The following ATE1 variants were observed in gnomAD, a reference collection of about 807,000 sequenced individuals.
ATE1 encodes arginyl-tRNA--protein transferase 1.
A neutral mutation model predicts 70.5 loss-of-function variants in ATE1; 36 were observed. That is an observed-to-expected ratio of 0.51 (90% CI 0.39 to 0.67). The LOEUF is 0.67. Among genes scored for constraint, ATE1 ranks in the 30% least tolerant of loss-of-function variants. The pLI, the probability that ATE1 is intolerant of heterozygous loss-of-function variation, is 0.00. For synonymous variants in ATE1, 232 were observed against 219.3 expected (o/e 1.06, Z -0.51); for missense variants, 593 against 629.5 (o/e 0.94, Z 0.62).
chr10:121,784,248 A>G (rs1351964748), intron 11 of ATE1, among the ~76,000 whole-genome samples: 1 of 152,248 alleles, frequency 6.6e-6, no homozygotes, highest in African/African-American at 2.4e-5. Context: ...AAAAATTTAT[A>G]AAATAGTATG....
chr10:121,881,531 T>C (rs1330704112), intron 7 of ATE1, among the ~76,000 whole-genome samples: 1 of 152,060 alleles, frequency 6.6e-6, no homozygotes, highest in Non-Finnish European at 1.5e-5. Context: ...AGCGTGACTG[T>C]AGTCCCAGCT....
intron 10 of ATE1, among the ~76,000 whole-genome samples, chr10:121,794,633 A>G: frequency 7.2e-6 from 1 of 138,326 alleles, no homozygotes; most frequent in South Asian, 2.3e-4. Flanking sequence ...AAAAAAAAAA[A>G]GGAGAAGAGA....
intron 10 of ATE1, among the ~76,000 whole-genome samples, chr10:121,791,096 A>ATATATT (rs764780341): frequency 1.1e-5 from 1 of 94,422 alleles, no homozygotes; most frequent in Non-Finnish European, 2.0e-5. Context: ...GTGTATATAT[A>ATATATT]TTTTTTTTTT....
chr10:121,865,650 C>T (rs1022320045), intron 8 of ATE1, among the ~76,000 whole-genome samples: 8 of 152,054 alleles, frequency 5.3e-5, no homozygotes, highest in Non-Finnish European at 1.0e-4. Flanking sequence ...CAGAGCCACC[C>T]GAAATTAGGG....
chr10:121,868,306 G>GC (rs1949731840), intron 8 of ATE1, among the ~76,000 whole-genome samples: 2 of 152,166 alleles, frequency 1.3e-5, no homozygotes, highest in Non-Finnish European at 2.9e-5. Flanking sequence ...GCTTCTAGAA[G>GC]ATCATTACAT....
intron 11 of ATE1, among the ~76,000 whole-genome samples, chr10:121,775,119 C>CA (rs1422412915): frequency 6.6e-6 from 1 of 151,994 alleles, no homozygotes; most frequent in Non-Finnish European, 1.5e-5. Flanking sequence ...AACAGATAAA[C>CA]AATATTGTAT....
intron 8 of ATE1, among the ~76,000 whole-genome samples, chr10:121,859,014 G>C (rs936843002): frequency 2.0e-5 from 3 of 151,906 alleles, no homozygotes; most frequent in Non-Finnish European, 4.4e-5. Context: ...AGAATAGCTT[G>C]AACCTGGGAG....
chr10:121,770,018 A>T (rs1452529425), intron 11 of ATE1, among the ~76,000 whole-genome samples: 1 of 152,220 alleles, frequency 6.6e-6, no homozygotes, highest in East Asian at 1.9e-4. Context: ...CATTTATCAG[A>T]ACTCAAGTTT....
At chr10:121,915,916 CA>C (rs1405990860) in intron 3 of ATE1, among the ~76,000 whole-genome samples, 1 of 141,632 alleles carries the variant, frequency 7.1e-6, no homozygotes. Flanking sequence ...CAAAACAAAA[CA>C]AAAAAAAACA....
intron 11 of ATE1, among the ~76,000 whole-genome samples, chr10:121,775,215 C>A (rs1490920480): frequency 6.6e-6 from 1 of 151,530 alleles, no homozygotes; most frequent in Non-Finnish European, 1.5e-5. Flanking sequence ...ATGTAGTTGA[C>A]CAATAAAACT....
chr10:121,920,209 G>C (rs186163173), intron 3 of ATE1, among the ~76,000 whole-genome samples: 2 of 152,168 alleles, frequency 1.3e-5, no homozygotes, highest in East Asian at 3.9e-4. Context: ...AGGTTCAGGT[G>C]CAGTAGTAGC....
At chr10:121,849,766 G>A (rs910716313) in intron 8 of ATE1, among the ~76,000 whole-genome samples, 1 of 152,076 alleles carries the variant, frequency 6.6e-6, no homozygotes, top group Non-Finnish European at 1.5e-5. Flanking sequence ...TGTGGAGAAT[G>A]AGTTGGAGGT....
rs111889466 is a variant in ATE1, at chr10:121,740,487, T to C, written c.*3193A>G. On this transcript the variant is annotated 3_prime_UTR_variant, in exon 12 of 12. Transcript: ENST00000224652. ...TATCAAATAGCTTGTTCAAAAAGCA[T>C]ATACAAGAGCAAAAAATACCACATG... 1.5e-4 allele frequency: 23 copies of C among 152,134 alleles called. 1 individual carries two copies. Among genetic ancestry groups the C allele is most frequent in the African/African-American group, 5.6e-4 (23 of 41,408 alleles). 9.4% of individuals were successfully genotyped at this position (152,134 alleles called of 1,614,324 possible).
intron 6 of ATE1, among the ~76,000 whole-genome samples, chr10:121,901,999 T>C (rs949814487): frequency 4.6e-5 from 7 of 152,322 alleles, no homozygotes; most frequent in Non-Finnish European, 1.0e-4. Context: ...CAGAATATTA[T>C]AATGGATGAA....
chr10:121,918,541 G>A (rs771061979), intron 3 of ATE1, among the ~76,000 whole-genome samples: 3 of 151,932 alleles, frequency 2.0e-5, no homozygotes, highest in African/African-American at 7.3e-5. Flanking sequence ...TTAACCAATC[G>A]AAATCACCCT....
At chr10:121,789,985 A>C (rs1244941492) in intron 11 of ATE1, among the ~76,000 whole-genome samples, 184 bp downstream of exon 11, 6 of 151,752 alleles carry the variant, frequency 4.0e-5, no homozygotes, top group Non-Finnish European at 5.9e-5. Flanking sequence ...ATTTTGTGCC[A>C]AACTGCGTGA....
intron 10 of ATE1, among the ~76,000 whole-genome samples, chr10:121,798,747 A>G (rs1366083840): frequency 7.4e-6 from 1 of 134,850 alleles, no homozygotes; most frequent in Non-Finnish European, 1.7e-5. Context: ...TAAAAATACA[A>G]AAATTGTTGG....
At chr10:121,783,384 C>T (rs1000039739) in intron 11 of ATE1, among the ~76,000 whole-genome samples, 5 of 152,108 alleles carry the variant, frequency 3.3e-5, no homozygotes, top group African/African-American at 1.2e-4. Context: ...CAACAAGTCA[C>T]CTAAACACTC....
intron 7 of ATE1, among the ~76,000 whole-genome samples, chr10:121,896,279 C>A (rs945221507): frequency 2.6e-5 from 4 of 152,058 alleles, no homozygotes; most frequent in African/African-American, 7.2e-5. Flanking sequence ...TCTGATCATC[C>A]CACATTTTAA....
Sources: gnomAD v4.1 joint callset for allele counts (sites outside exome capture counted in the v4.1 genomes callset) on GRCh38, gnomAD v4.1.1 for gene constraint, MANE v1.5 for transcripts, NCBI Gene and HGNC (gene_info 2026-07-23, HGNC 2026-07-21) for gene names.